The following TMEM164 variants were observed in gnomAD, a reference collection of about 807,000 sequenced individuals.
TMEM164 encodes the protein RP13-360B22.2.
Under a neutral mutation model 18.8 loss-of-function variants are expected in TMEM164, and 4 were observed. The ratio of observed to expected loss-of-function variants is 0.21; its 90% CI spans 0.10 to 0.49. The LOEUF (loss-of-function observed/expected upper bound fraction) is 0.49, where lower values mean the gene tolerates loss of function less well. Ranked by LOEUF, TMEM164 falls within the 20% of genes least tolerant of loss-of-function variation. TMEM164 has a pLI of 0.98. For synonymous variants in TMEM164, 86 were observed against 101.7 expected (o/e 0.85, Z 0.93); for missense variants, 108 against 239.9 (o/e 0.45, Z 3.63).
intron 2 of TMEM164, 124 bp downstream of exon 2, chrX:110,004,288 A>G: frequency 2.3e-6 from 2 of 857,187 alleles, no homozygotes; most frequent in Non-Finnish European, 3.2e-6. Flanking sequence ...TGATTTTCCA[A>G]CGAGTGGCTG....
At chrX:110,033,677 C>T (rs1569301309) in intron 2 of TMEM164, among the ~76,000 whole-genome samples, 1 of 111,217 alleles carries the variant, frequency 9.0e-6, no homozygotes, top group East Asian at 2.8e-4. Flanking sequence ...GTCTCAGGGT[C>T]TTCTTCATCG....
intron 2 of TMEM164, among the ~76,000 whole-genome samples, chrX:110,039,619 C>T (rs1206535459): frequency 1.8e-5 from 2 of 111,742 alleles, no homozygotes; most frequent in Non-Finnish European, 3.8e-5. Context: ...GGAGTGAGGG[C>T]GGGGGATGGA....
chrX:110,151,454 T>C (rs1330559654), intron 5 of TMEM164, among the ~76,000 whole-genome samples: 2 of 111,873 alleles, frequency 1.8e-5, no homozygotes, highest in Non-Finnish European at 3.8e-5. Context: ...TAATTTCACT[T>C]TGAGTGAAGC....
At chrX:110,113,501 T>C (rs773437904) in intron 4 of TMEM164, among the ~76,000 whole-genome samples, 2 of 112,526 alleles carry the variant, frequency 1.8e-5, no homozygotes, top group Non-Finnish European at 3.7e-5. Context: ...ACTTTTGCCC[T>C]TCCTTCTTGG....
intron 2 of TMEM164, among the ~76,000 whole-genome samples, chrX:110,008,833 TAAAC>T (rs1932882369): frequency 8.9e-6 from 1 of 111,981 alleles, no homozygotes; most frequent in Non-Finnish European, 1.9e-5. Flanking sequence ...TGTGGTCACT[TAAAC>T]AGAGAAGCTG....
chrX:110,161,994 T>C (rs2067100086), intron 5 of TMEM164, among the ~76,000 whole-genome samples: 1 of 112,920 alleles, frequency 8.9e-6, no homozygotes, highest in Non-Finnish European at 1.9e-5. Context: ...ACCCTAGATC[T>C]ACTAGAAACT....
chrX:110,071,716 CAAAAAAAAAA>C (rs59182790), intron 3 of TMEM164, among the ~76,000 whole-genome samples: 1 of 43,377 alleles, frequency 2.3e-5, no homozygotes, highest in Non-Finnish European at 3.7e-5. Flanking sequence ...TTTGTCTCTA[CAAAAAAAAAA>C]AAAAAAAAAA....
intron 3 of TMEM164, among the ~76,000 whole-genome samples, chrX:110,081,419 T>G (rs748061763): frequency 5.7e-4 from 64 of 111,546 alleles, no homozygotes; most frequent in Middle Eastern, 4.6e-3. Flanking sequence ...TATTTAATCC[T>G]TCTAACAAAA....
chrX:110,048,138 G>A (rs758842457), intron 2 of TMEM164, among the ~76,000 whole-genome samples: 43 of 111,170 alleles, frequency 3.9e-4, no homozygotes, highest in African/African-American at 1.3e-3. Context: ...TTCCCTGAAC[G>A]CATCTTTGTA....
intron 2 of TMEM164, among the ~76,000 whole-genome samples, chrX:110,063,452 T>C (rs748858806): frequency 1.8e-5 from 2 of 111,175 alleles, no homozygotes; most frequent in South Asian, 7.6e-4. Flanking sequence ...GGAACAGGAA[T>C]GGGAAGCAGG....
intron 4 of TMEM164, among the ~76,000 whole-genome samples, chrX:110,110,872 A>G (rs1264382899): frequency 8.9e-6 from 1 of 112,702 alleles, no homozygotes; most frequent in Non-Finnish European, 1.9e-5. Context: ...CTTGTTAGAC[A>G]TGCAGAATTT....
chrX:110,081,075 G>A (rs1431292904), intron 3 of TMEM164, among the ~76,000 whole-genome samples: 1 of 109,881 alleles, frequency 9.1e-6, no homozygotes, highest in Admixed American at 9.8e-5. Flanking sequence ...ATTCCATTGT[G>A]TGGAAATACC....
intron 2 of TMEM164, among the ~76,000 whole-genome samples, chrX:110,057,642 C>T (rs755635131): frequency 9.4e-4 from 101 of 107,841 alleles, no homozygotes; most frequent in Non-Finnish European, 1.8e-3. Context: ...TTCTCCACAC[C>T]CTTCCCAATA....
intron 2 of TMEM164, among the ~76,000 whole-genome samples, chrX:110,014,752 T>C (rs1456301205): frequency 2.0e-5 from 2 of 101,124 alleles, no homozygotes; most frequent in Non-Finnish European, 4.0e-5. Context: ...TTCTTTTTTT[T>C]TTTTTTTTTT....
intron 2 of TMEM164, among the ~76,000 whole-genome samples, chrX:110,036,025 G>A (rs1414155570): frequency 1.8e-5 from 2 of 111,060 alleles, no homozygotes; most frequent in Non-Finnish European, 3.8e-5. Flanking sequence ...ATCAGATATT[G>A]TCACTAAAGC....
intron 5 of TMEM164, among the ~76,000 whole-genome samples, chrX:110,171,127 AAG>A (rs1341007545): frequency 1.8e-5 from 2 of 112,471 alleles, no homozygotes; most frequent in Non-Finnish European, 3.8e-5. Flanking sequence ...AAAATGACCA[AAG>A]AGACAAACTC....
intron 2 of TMEM164, among the ~76,000 whole-genome samples, chrX:110,020,047 C>T (rs1264158782): frequency 8.9e-6 from 1 of 112,156 alleles, no homozygotes; most frequent in Non-Finnish European, 1.9e-5. Context: ...CCCAAACACT[C>T]CCTCTTGTGA....
At chrX:110,040,982 T>G (rs1248118334) in intron 2 of TMEM164, among the ~76,000 whole-genome samples, 3 of 112,092 alleles carry the variant, frequency 2.7e-5, no homozygotes, top group Admixed American at 1.9e-4. Context: ...TTAATAGTGT[T>G]ACCTCATAAA....
downstream of TMEM164, among the ~76,000 whole-genome samples, chrX:110,178,846 G>A (rs1159729977): frequency 8.9e-6 from 1 of 112,302 alleles, no homozygotes; most frequent in Non-Finnish European, 1.9e-5. Context: ...TGGAGGTTTA[G>A]TCATAAATGG....
Sources: allele counts gnomAD v4.1 joint callset (sites outside exome capture counted in the v4.1 genomes callset), GRCh38; gene constraint gnomAD v4.1.1; transcripts MANE v1.5; gene names NCBI Gene and HGNC (gene_info 2026-07-23, HGNC 2026-07-21).